Variants in COG5 observed in about 807,000 individuals in gnomAD.
COG5 encodes component of oligomeric golgi complex 5.
COG5 carries 86 observed loss-of-function variants against 110.4 expected under a neutral mutation model. That is an observed-to-expected ratio of 0.78 (90% CI 0.65 to 0.93). COG5 has a LOEUF of 0.93. COG5 is among the 40% of genes least tolerant of loss of function. The probability of loss-of-function intolerance (pLI) is 0.00; values close to 1 mark genes in which losing one functional copy is unlikely to be tolerated. For synonymous variants in COG5, 360 were observed against 334.6 expected, an observed-to-expected ratio of 1.08 and a Z score of -0.83; for missense variants, 1,077 against 987.0, an observed-to-expected ratio of 1.09 and a Z score of -1.22.
chr7:107,385,554 T>A (rs1398275149), intron 7 of COG5, among the ~76,000 whole-genome samples: 1 of 152,172 alleles, frequency 6.6e-6, no homozygotes, highest in East Asian at 1.9e-4. Context: ...TGATGTACAT[T>A]ACAACACGGA....
rs1805375974 is a variant in COG5, at chr7:107,283,696, A to T, written c.1350T>A (p.Tyr450Ter). 2.5e-6 allele frequency: 4 copies of T among 1,613,718 alleles called. No individual in the cohort carries two copies. The highest frequency in any genetic ancestry group is 3.4e-6 in the Non-Finnish European group (4 of 1,179,746). Residue 450 changes from tyrosine to a stop codon, truncating the protein, a stop_gained, in exon 13 of 22, where the codon TAT (tyrosine) becomes TAA (stop). Coordinates refer to ENST00000297135, the MANE Select transcript of COG5 (RefSeq NM_006348.5). LOFTEE classifies it high-confidence loss of function. ...AGGATTTTGATAGATAAGCAGCCTC[A>T]TAGGGTTGTAGTGAGTCTTTCAAAG... ...EKALKDSLQP[Y>*]EAAYLSKSLS...
chr7:107,424,549 T>C (rs1442650189), intron 6 of COG5, among the ~76,000 whole-genome samples: 2 of 149,468 alleles, frequency 1.3e-5, no homozygotes, highest in Non-Finnish European at 1.5e-5. Flanking sequence ...AAAAGAAATA[T>C]ATCAAACAGA....
intron 16 of COG5, among the ~76,000 whole-genome samples, chr7:107,250,652 A>C (rs1802433731): frequency 6.6e-6 from 1 of 152,116 alleles, no homozygotes. Context: ...GCACACAATA[A>C]ATAAAATAAT....
intron 11 of COG5, among the ~76,000 whole-genome samples, chr7:107,312,587 C>A (rs776389476): frequency 6.6e-6 from 1 of 152,002 alleles, no homozygotes; most frequent in Non-Finnish European, 1.5e-5. Flanking sequence ...GATATAGACA[C>A]GTGTTTCAGG....
At chr7:107,390,372 G>A (rs1208625030) in intron 7 of COG5, among the ~76,000 whole-genome samples, 1 of 152,040 alleles carries the variant, frequency 6.6e-6, no homozygotes, top group Non-Finnish European at 1.5e-5. Flanking sequence ...AAAAATTCTT[G>A]CACGTCTGCA....
intron 6 of COG5, among the ~76,000 whole-genome samples, chr7:107,501,568 T>G (rs1798635882): frequency 6.6e-6 from 1 of 152,148 alleles, no homozygotes; most frequent in Non-Finnish European, 1.5e-5. Flanking sequence ...ACCCTGAATT[T>G]TTTACACTAT....
At chr7:107,265,184 T>C (rs1803697568) in intron 14 of COG5, among the ~76,000 whole-genome samples, 2 of 152,224 alleles carry the variant, frequency 1.3e-5, no homozygotes, top group African/African-American at 4.8e-5. Flanking sequence ...ACTGCTTTGG[T>C]TATTGTTTAC....
intron 1 of COG5, chr7:107,563,554 G>GGC: frequency 2.0e-6 from 1 of 501,428 alleles, no homozygotes; most frequent in Non-Finnish European, 3.6e-6. Context: ...TGGGGGGGGG[G>GGC]GGGGTCGAGT....
intron 6 of COG5, among the ~76,000 whole-genome samples, chr7:107,436,018 A>T (rs1480105752): frequency 6.6e-6 from 1 of 152,254 alleles, no homozygotes; most frequent in Non-Finnish European, 1.5e-5. Flanking sequence ...GGAGGATATG[A>T]TATTAAGTGA....
At chr7:107,469,934 T>C (rs376113377) in intron 6 of COG5, 2 of 152,048 alleles carry the variant, frequency 1.3e-5, no homozygotes, top group East Asian at 3.9e-4. Flanking sequence ...TATAAAACAG[T>C]GGGGAGCGGG....
intron 11 of COG5, among the ~76,000 whole-genome samples, chr7:107,299,353 T>C (rs1230364399): frequency 6.6e-6 from 1 of 152,098 alleles, no homozygotes; most frequent in Non-Finnish European, 1.5e-5. Flanking sequence ...CATTACATAT[T>C]ACAAAATATT....
intron 16 of COG5, among the ~76,000 whole-genome samples, chr7:107,250,442 A>C (rs1461533354): frequency 6.6e-6 from 1 of 151,906 alleles, no homozygotes; most frequent in Non-Finnish European, 1.5e-5. Context: ...TTATAAAAAA[A>C]GGTAAAAAAA....
At chr7:107,265,680 T>C (rs1803740007) in intron 14 of COG5, among the ~76,000 whole-genome samples, 1 of 152,228 alleles carries the variant, frequency 6.6e-6, no homozygotes. Flanking sequence ...AACTTGTCAA[T>C]TATCCTATAA....
rs777624889 is a variant in COG5 at position 107,372,723 on chromosome 7, T to C, written c.707A>G (p.Tyr236Cys). ...AGTATCCTTCAAAGTTCCAAGATTA[T>C]AGAAAACCTGAAGAGCTGTTCCGAC... ...TQVGTALQVFYNLGTLKDTIT... is the reference protein window; with the variant it reads ...TQVGTALQVFCNLGTLKDTIT... Residue 236 changes from tyrosine to cysteine, a missense_variant, in exon 8 of 22, where the codon TAT becomes TGT. Coordinates refer to ENST00000297135, the MANE Select transcript of COG5 (RefSeq NM_006348.5). The C allele has an allele frequency of 7.4e-6, 12 of 1,613,550 alleles. No individual in the cohort carries two copies. The highest frequency in any genetic ancestry group is 4.0e-5 in the African/African-American group (3 of 74,958).
At chr7:107,481,751 A>C (rs6968804) in intron 6 of COG5, among the ~76,000 whole-genome samples, 60,411 of 151,956 alleles carry the variant, frequency 0.4, 12,699 homozygotes, top group Non-Finnish European at 0.47. Flanking sequence ...ATTTTTTCCA[A>C]CTATCACTTC....
In COG5 at chr7:107,353,528, A is replaced by G. The variant is rs142452141; in HGVS notation, c.1026+8505T>C. On this transcript the variant is annotated intron_variant, in intron 10 of 21. Transcript: ENST00000297135. ...GATAGGTATAAATATATCTTTTCAA[A>G]TTATCATATAAACTGAAAATAACAG... Among the ~76,000 whole-genome samples the G allele has an allele frequency of 7.4e-4, 112 of 152,254 alleles. 2 individuals are homozygous for G. In the East Asian group the frequency reaches 0.019, roughly 26 times the overall value.
chr7:107,395,069 G>A (rs890522980), intron 7 of COG5, among the ~76,000 whole-genome samples: 4 of 152,168 alleles, frequency 2.6e-5, no homozygotes, highest in Non-Finnish European at 4.4e-5. Flanking sequence ...AGACTTAGTT[G>A]AGTCCAACTG....
chr7:107,349,879 A>G (rs1296950419), intron 10 of COG5, among the ~76,000 whole-genome samples: 2 of 151,894 alleles, frequency 1.3e-5, no homozygotes, highest in African/African-American at 4.8e-5. Flanking sequence ...TTTAGTGGAG[A>G]CAGGGTTTCA....
chr7:107,461,969 G>T (rs988036293), intron 6 of COG5, among the ~76,000 whole-genome samples: 1 of 152,154 alleles, frequency 6.6e-6, no homozygotes, highest in Admixed American at 6.5e-5. Flanking sequence ...CTAACAGATA[G>T]ACAGGTTCAT....
Sources: allele counts gnomAD v4.1 joint callset (sites outside exome capture counted in the v4.1 genomes callset), GRCh38; gene constraint gnomAD v4.1.1; transcripts MANE v1.5; gene names NCBI Gene and HGNC (gene_info 2026-07-23, HGNC 2026-07-21).